LRFN2: variants seen among roughly 807,000 people sequenced by gnomAD.
LRFN2 encodes the protein leucine-rich repeat and fibronectin type-III domain-containing protein 2.
A neutral mutation model predicts 37.3 loss-of-function variants in LRFN2; 18 were observed. That is an observed-to-expected ratio of 0.48 (90% CI 0.33 to 0.72). LRFN2 has a LOEUF of 0.72. Ranked by LOEUF, LRFN2 falls within the 30% of genes least tolerant of loss-of-function variation. The pLI is 0.02. For synonymous variants in LRFN2, 556 were observed against 466.6 expected, an observed-to-expected ratio of 1.19 and a Z score of -2.47; for missense variants, 1,006 against 1,060.7, an observed-to-expected ratio of 0.95 and a Z score of 0.72.
chr6:40,489,159 T>TCC (rs1331965009), intron 1 of LRFN2, among the ~76,000 whole-genome samples: 3 of 152,110 alleles, frequency 2.0e-5, no homozygotes, highest in Non-Finnish European at 4.4e-5. Context: ...CCTGCCTGCC[T>TCC]CCATCTCACT....
chr6:40,505,254 T>C (rs1263767794), intron 1 of LRFN2, among the ~76,000 whole-genome samples: 2 of 152,206 alleles, frequency 1.3e-5, no homozygotes, highest in South Asian at 2.1e-4. Flanking sequence ...AATAGCCTCA[T>C]AGCCAGTCTA....
chr6:40,532,860 A>T (rs1766372581), intron 1 of LRFN2, among the ~76,000 whole-genome samples: 1 of 152,234 alleles, frequency 6.6e-6, no homozygotes, highest in African/African-American at 2.4e-5. Flanking sequence ...ACTGAACACA[A>T]TACAATGATA....
chr6:40,432,706 C>T lies in LRFN2; in HGVS notation c.408G>A (p.Leu136=), dbSNP rs776732529. The T allele has an allele frequency of 2.5e-6, 4 of 1,614,044 alleles. No individual in the cohort carries two copies. The highest frequency in any genetic ancestry group is 2.2e-5 in the East Asian group (1 of 44,890). The stretch of plus-strand genomic sequence containing the variant: ...CAAAAGCCTCATCTGCGATGCCGCC[C>T]AGCTGGTTGTTGTTCACGATAAGGT... ...LQHLIVNNNQ[L]GGIADEAFED... The change falls in exon 2 of 3, where the codon CTG becomes CTA. Residue 136 remains leucine (L), a synonymous_variant. Transcript: ENST00000338305.
intron 2 of LRFN2, among the ~76,000 whole-genome samples, chr6:40,397,324 A>G (rs1258189995): frequency 6.6e-6 from 1 of 152,148 alleles, no homozygotes; most frequent in Non-Finnish European, 1.5e-5. Flanking sequence ...CCAACTCCAC[A>G]TACAGTGTTA....
chr6:40,469,879 C>T (rs1159335257), intron 1 of LRFN2, among the ~76,000 whole-genome samples: 2 of 152,208 alleles, frequency 1.3e-5, no homozygotes, highest in African/African-American at 4.8e-5. Context: ...ACCCTGCACA[C>T]ACCCTGTAAA....
intron 1 of LRFN2, among the ~76,000 whole-genome samples, chr6:40,468,708 G>T (rs1002291749): frequency 6.6e-6 from 1 of 152,184 alleles, no homozygotes; most frequent in East Asian, 1.9e-4. Flanking sequence ...GCTTATCCAT[G>T]CCTGTGAGGT....
chr6:40,510,852 G>A (rs1765687113), intron 1 of LRFN2, among the ~76,000 whole-genome samples: 1 of 152,192 alleles, frequency 6.6e-6, no homozygotes, highest in Non-Finnish European at 1.5e-5. Flanking sequence ...GAAGCATTGG[G>A]AAGACGAGAC....
At chr6:40,416,134 C>T (rs1763087061) in intron 2 of LRFN2, among the ~76,000 whole-genome samples, 1 of 152,070 alleles carries the variant, frequency 6.6e-6, no homozygotes, top group Non-Finnish European at 1.5e-5. Context: ...TCAGCCTCCC[C>T]AGTAGCTGGG....
intron 1 of LRFN2, among the ~76,000 whole-genome samples, chr6:40,503,293 C>T (rs1366010975): frequency 3.9e-5 from 6 of 152,138 alleles, no homozygotes; most frequent in Admixed American, 3.9e-4. Context: ...AGTCGGGAGG[C>T]TGTAGTGAAA....
intron 1 of LRFN2, among the ~76,000 whole-genome samples, chr6:40,453,680 C>T (rs12528299): frequency 0.034 from 5,131 of 152,176 alleles, 153 homozygotes; most frequent in East Asian, 0.08. Flanking sequence ...TAGAGGGAAG[C>T]GTGATCAGGA....
intron 1 of LRFN2, among the ~76,000 whole-genome samples, chr6:40,454,619 C>T (rs1299939659): frequency 6.6e-6 from 1 of 152,152 alleles, no homozygotes; most frequent in African/African-American, 2.4e-5. Context: ...TAGGCCCTCC[C>T]CTACCTGGGG....
chr6:40,556,716 G>GACACACACACAC (rs35308131), intron 1 of LRFN2, among the ~76,000 whole-genome samples: 1 of 120,940 alleles, frequency 8.3e-6, no homozygotes, highest in South Asian at 2.9e-4. Flanking sequence ...TACCTACATA[G>GACACACACACAC]ACACACACAC....
At chr6:40,551,872 A>G (rs1439596202) in intron 1 of LRFN2, among the ~76,000 whole-genome samples, 1 of 152,226 alleles carries the variant, frequency 6.6e-6, no homozygotes, top group Non-Finnish European at 1.5e-5. Flanking sequence ...AAATGTTAAG[A>G]AAGATCAGCG....
rs535963104 is a variant in LRFN2, at chr6:40,580,661, A to C, written c.-19+6280T>G. ...AGGGCTATAGGAATGACAGAAGGCC[A>C]TGTATTGACATGCTCTCTAAAGTAG... On this transcript the variant is annotated intron_variant, in intron 1 of 2. Transcript: ENST00000338305. Among the ~76,000 whole-genome samples the C allele has an allele frequency of 3.3e-5, 5 of 152,322 alleles. No homozygotes were observed. In the East Asian group the frequency reaches 9.7e-4, roughly 29 times the overall value.
At chr6:40,562,283 G>A (rs939810538) in intron 1 of LRFN2, among the ~76,000 whole-genome samples, 4 of 152,058 alleles carry the variant, frequency 2.6e-5, no homozygotes, top group African/African-American at 9.7e-5. Context: ...CCATGACTAC[G>A]CAATGAACTA....
rs969799890 is a variant in LRFN2 at position 40,576,852 on chromosome 6, T to A, written c.-19+10089A>T. On this transcript the variant is annotated intron_variant, in intron 1 of 2. Transcript: ENST00000338305. Reference sequence around the variant, plus strand: ...CTCTCCTGTGGTTCTTGCTGCTGTCTCATTCTGGTCTTCTTCACCTTCCTG... The same window carrying A: ...CTCTCCTGTGGTTCTTGCTGCTGTCACATTCTGGTCTTCTTCACCTTCCTG... Among the ~76,000 whole-genome samples the A allele has an allele frequency of 8.5e-5, 13 of 152,180 alleles. 2 individuals are homozygous for A. Among genetic ancestry groups the A allele is most frequent in the East Asian group, 5.8e-4 (3 of 5,168 alleles).
At chr6:40,530,070 G>A (rs1158937536) in intron 1 of LRFN2, among the ~76,000 whole-genome samples, 2 of 152,188 alleles carry the variant, frequency 1.3e-5, no homozygotes, top group African/African-American at 4.8e-5. Context: ...AAGGGGAAAT[G>A]CAGGCCCAGA....
chr6:40,399,411 CT>C (rs1243806083), intron 2 of LRFN2, among the ~76,000 whole-genome samples: 1 of 146,128 alleles, frequency 6.8e-6, no homozygotes, highest in Non-Finnish European at 1.5e-5. Flanking sequence ...ACTGAATTCT[CT>C]TTCTTTTTCT....
In LRFN2 at chr6:40,498,081, G is replaced by A. The variant is rs530470824; in HGVS notation, c.-18-64950C>T. Among the ~76,000 whole-genome samples, 9 of 152,120 alleles carry A rather than the reference G, an allele frequency of 5.9e-5. No individual in the cohort carries two copies. The South Asian group carries it at 1.0e-3, about 18-fold the overall frequency. On this transcript the variant is annotated intron_variant, in intron 1 of 2. Coordinates refer to ENST00000338305, the MANE Select transcript of LRFN2 (RefSeq NM_020737.3). ...GAAAGTGGCAAGAAGACAAGGTCTC[G>A]GCTGTCTGGAGGCAACATTGACTCT...
Sources: allele counts gnomAD v4.1 joint callset (sites outside exome capture counted in the v4.1 genomes callset), GRCh38; gene constraint gnomAD v4.1.1; transcripts MANE v1.5; gene names NCBI Gene and HGNC (gene_info 2026-07-23, HGNC 2026-07-21).